KIAA1671: variants seen among roughly 807,000 people sequenced by gnomAD.
The protein encoded by KIAA1671 is KIAA1671, also known as uncharacterized protein KIAA1671.
In KIAA1671, 52 loss-of-function variants were observed where a neutral mutation model predicts 131.2. The observed-to-expected ratio is 0.40, with a 90% CI of 0.32 to 0.50. The LOEUF (loss-of-function observed/expected upper bound fraction) is 0.50, where lower values mean the gene tolerates loss of function less well. KIAA1671 is among the 20% of genes least tolerant of loss of function. The pLI is 0.73. For missense variants in KIAA1671, 2,360 were observed against 2,364.2 expected, an observed-to-expected ratio of 1.00 and a Z score of 0.04; for synonymous variants, 1,003 against 961.6, an observed-to-expected ratio of 1.04 and a Z score of -0.80.
Position 25,040,877 on chromosome 22 carries a change from C to A in KIAA1671, c.3747C>A (p.Ser1249Arg). The change falls in exon 5 of 13, where the codon AGC becomes AGA. Residue 1249 changes from serine (S) to arginine (R), a missense_variant. Around this residue, in one of 3 missense-constraint regions of KIAA1671, gnomAD observed 1,161 missense variants for 1,204.7 expected, o/e 0.96. Transcript: ENST00000358431. Reference protein sequence around the residue: ...QLGGVEQRRRSLKEMPDTGGL... With the variant: ...QLGGVEQRRRRLKEMPDTGGL... ...GCGGGGTGGAGCAGAGAAGGAGGAG[C>A]CTGAAGGAGATGCCCGATACCGGGG... The A allele has an allele frequency of 6.5e-7, 1 of 1,534,576 alleles. No individual in the cohort carries two copies. The highest frequency in any genetic ancestry group is 1.2e-5 in the South Asian group (1 of 82,334).
At chr22:24,998,842 GTT>G (rs560129857) in intron 1 of KIAA1671, among the ~76,000 whole-genome samples, 1 of 145,494 alleles carries the variant, frequency 6.9e-6, no homozygotes, top group Non-Finnish European at 1.5e-5. Flanking sequence ...CTATCTGCAG[GTT>G]TTTTTTTTTT....
Position 24,991,208 on chromosome 22 carries a change from A to C in KIAA1671, c.-207-34425A>C, listed in dbSNP as rs192596540. On this transcript the variant is annotated intron_variant, in intron 1 of 12. Coordinates refer to ENST00000358431, the MANE Select transcript of KIAA1671 (RefSeq NM_001145206.2). ...CTAATTTTTTTTGTATTTTTAGTAG[A>C]GACGGGGTTTCACCATGCTGGTCAG... Among the ~76,000 whole-genome samples, 114 of 151,024 alleles carry C rather than the reference A, an allele frequency of 7.5e-4. 1 individual carries two copies. In the South Asian group the frequency reaches 0.015, roughly 20 times the overall value.
chr22:24,958,508 G>C (rs1921837321), intron 1 of KIAA1671, among the ~76,000 whole-genome samples: 1 of 151,614 alleles, frequency 6.6e-6, no homozygotes. Flanking sequence ...AAATCAGCCA[G>C]GCGTGGTGGT....
chr22:25,033,179 A>G (rs1207752852), intron 4 of KIAA1671, among the ~76,000 whole-genome samples: 1 of 152,068 alleles, frequency 6.6e-6, no homozygotes, highest in Non-Finnish European at 1.5e-5. Flanking sequence ...TGAGCCCAAG[A>G]GTTTGAGACC....
chr22:25,167,243 G>A (rs1334239617), intron 6 of KIAA1671, among the ~76,000 whole-genome samples: 2 of 152,210 alleles, frequency 1.3e-5, no homozygotes, highest in South Asian at 4.1e-4. Context: ...TGTGCTGCCC[G>A]TAGGCTTGGA....
chr22:24,960,238 A>G (rs975244681), intron 1 of KIAA1671, among the ~76,000 whole-genome samples: 1 of 151,662 alleles, frequency 6.6e-6, no homozygotes, highest in Non-Finnish European at 1.5e-5. Context: ...GAATGTGTTG[A>G]TTTACCTCAT....
chr22:25,043,155 C>T (rs1053298007), intron 5 of KIAA1671, among the ~76,000 whole-genome samples: 1 of 152,106 alleles, frequency 6.6e-6, no homozygotes, highest in Admixed American at 6.5e-5. Context: ...ATTACAAGCA[C>T]ACCCTTTTGG....
intron 1 of KIAA1671, chr22:25,014,659 C>T (rs1925212009): frequency 6.6e-6 from 1 of 152,186 alleles, no homozygotes; most frequent in South Asian, 2.1e-4. Flanking sequence ...CCTGCCTTAG[C>T]CTCCCAAAGC....
chr22:25,025,370 A>T (rs1054437381), intron 1 of KIAA1671, among the ~76,000 whole-genome samples: 6 of 152,124 alleles, frequency 3.9e-5, no homozygotes, highest in African/African-American at 9.7e-5. Flanking sequence ...GGGATGTTTC[A>T]TGCTCATCTT....
In KIAA1671 at chr22:24,989,832, C is replaced by T. The variant is rs148277733; in HGVS notation, c.-207-35801C>T. ...GGTGAATGTCCGCCCGGCAAAGGGA[C>T]TTCTGCCAAAGGGACTCTTGTTTAT... On this transcript the variant is annotated intron_variant, in intron 1 of 12. Transcript: ENST00000358431. 2.4e-3 allele frequency among the ~76,000 whole-genome samples: 373 copies of T among 152,266 alleles called. 8 individuals carry two copies. In the South Asian group the frequency reaches 0.043, roughly 17 times the overall value.
chr22:25,101,425 G>A (rs961478544), intron 6 of KIAA1671, among the ~76,000 whole-genome samples: 13 of 152,232 alleles, frequency 8.5e-5, no homozygotes, highest in African/African-American at 3.1e-4. Flanking sequence ...CTGAGGGTGG[G>A]GCCTGATAAA....
chr22:25,020,767 G>A (rs377571861), intron 1 of KIAA1671, among the ~76,000 whole-genome samples: 9 of 152,312 alleles, frequency 5.9e-5, no homozygotes, highest in East Asian at 3.9e-4. Context: ...GCGAGAAAGC[G>A]TACACTGTGT....
chr22:25,132,852 C>A (rs1287134451), intron 6 of KIAA1671, among the ~76,000 whole-genome samples: 1 of 152,010 alleles, frequency 6.6e-6, no homozygotes, highest in East Asian at 1.9e-4. Flanking sequence ...GTTAGGAGTT[C>A]GAGACCAGCC....
At chr22:25,178,792 C>T (rs1352324856) in intron 9 of KIAA1671, among the ~76,000 whole-genome samples, 1 of 152,156 alleles carries the variant, frequency 6.6e-6, no homozygotes, top group Non-Finnish European at 1.5e-5. Flanking sequence ...CACCCCCTGC[C>T]AGTTCAACAA....
chr22:25,093,682 GACACAC>G (rs67802603), intron 6 of KIAA1671, among the ~76,000 whole-genome samples: 2,848 of 49,752 alleles, frequency 0.057, 167 homozygotes, highest in South Asian at 0.11. Flanking sequence ...CCTGCCCCCC[GACACAC>G]ACACACACAC....
intron 6 of KIAA1671, among the ~76,000 whole-genome samples, chr22:25,115,877 A>T (rs1327903513): frequency 6.6e-6 from 1 of 152,092 alleles, no homozygotes; most frequent in Non-Finnish European, 1.5e-5. Context: ...CCCAGGTTCA[A>T]GTGATTCTCC....
In KIAA1671 at chr22:25,103,790, C is replaced by G. The variant is rs566340116; in HGVS notation, c.4530+54426C>G. ...TACGGGCGTGAGCCACCACAACCAG[C>G]CCAGGGCAAGTCCTTTTGGCTTTTT... On this transcript the variant is annotated intron_variant, in intron 6 of 12. Transcript: ENST00000358431. Among the ~76,000 whole-genome samples the G allele has an allele frequency of 6.9e-4, 105 of 152,294 alleles. 2 individuals carry two copies. The South Asian group carries it at 0.02, about 30-fold the overall frequency.
In KIAA1671 at chr22:25,075,438, G is replaced by A. The variant is rs75446263; in HGVS notation, c.4530+26074G>A. 5.1e-3 allele frequency among the ~76,000 whole-genome samples: 771 copies of A among 151,826 alleles called. 10 individuals carry two copies. Among genetic ancestry groups the A allele is most frequent in the African/African-American group, 0.018 (725 of 41,390 alleles). On this transcript the variant is annotated intron_variant, in intron 6 of 12. Coordinates refer to ENST00000358431, the MANE Select transcript of KIAA1671 (RefSeq NM_001145206.2). Reference sequence around the variant, plus strand: ...TCAGGGTCCCACATTGTATTTTTTCGCTTTTAGTTTCATCCCTAGTAGGGC... The same window carrying A: ...TCAGGGTCCCACATTGTATTTTTTCACTTTTAGTTTCATCCCTAGTAGGGC...
intron 4 of KIAA1671, among the ~76,000 whole-genome samples, chr22:25,036,439 A>AT (rs1926601507): frequency 6.6e-6 from 1 of 152,142 alleles, no homozygotes; most frequent in Non-Finnish European, 1.5e-5. Context: ...CATTTTAACT[A>AT]TTTTTAAAGA....
Sources: allele counts gnomAD v4.1 joint callset (sites outside exome capture counted in the v4.1 genomes callset), GRCh38; gene constraint gnomAD v4.1.1; regional missense constraint gnomAD v4.1.1; transcripts MANE v1.5; gene names NCBI Gene and HGNC (gene_info 2026-07-23, HGNC 2026-07-21).